Variants in KCNH8 observed in about 807,000 individuals in gnomAD.
KCNH8 encodes voltage-gated delayed rectifier potassium channel KCNH8.
In KCNH8, 70 loss-of-function variants were observed where a neutral mutation model predicts 103.6. The ratio of observed to expected loss-of-function variants is 0.68; its 90% CI spans 0.56 to 0.82. The LOEUF (loss-of-function observed/expected upper bound fraction) is 0.82, where lower values mean the gene tolerates loss of function less well. Ranked by LOEUF, KCNH8 falls within the 40% of genes least tolerant of loss-of-function variation. KCNH8 has a pLI of 0.00. For synonymous variants in KCNH8, 498 were observed against 489.4 expected, an observed-to-expected ratio of 1.02 and a Z score of -0.23; for missense variants, 1,217 against 1,329.9, an observed-to-expected ratio of 0.92 and a Z score of 1.32.
At chr3:19,333,592 A>G (rs149822080) in intron 3 of KCNH8, among the ~76,000 whole-genome samples, 2 of 152,310 alleles carry the variant, frequency 1.3e-5, no homozygotes, top group Non-Finnish European at 2.9e-5. Flanking sequence ...TAACACTCTC[A>G]TAGTAACAAA....
intron 1 of KCNH8, among the ~76,000 whole-genome samples, chr3:19,169,493 G>T (rs567315199): frequency 6.6e-6 from 1 of 151,992 alleles, no homozygotes; most frequent in Non-Finnish European, 1.5e-5. Flanking sequence ...TGATCTGCCC[G>T]CCTTGGCCTC....
At chr3:19,174,084 G>A (rs938775338) in intron 1 of KCNH8, among the ~76,000 whole-genome samples, 1 of 151,456 alleles carries the variant, frequency 6.6e-6, no homozygotes, top group Non-Finnish European at 1.5e-5. Context: ...GCTTGATTCT[G>A]TCTTTTGTCT....
At chr3:19,486,166 T>C (rs1490793971) in intron 11 of KCNH8, among the ~76,000 whole-genome samples, 1 of 152,234 alleles carries the variant, frequency 6.6e-6, no homozygotes, top group African/African-American at 2.4e-5. Flanking sequence ...TCTACTGAGA[T>C]GCCCATGGCT....
intron 5 of KCNH8, among the ~76,000 whole-genome samples, chr3:19,357,668 G>T (rs1166215763): frequency 6.6e-6 from 1 of 151,804 alleles, no homozygotes; most frequent in Admixed American, 6.6e-5. Flanking sequence ...GAGAGTCATA[G>T]ATTATGCCAT....
intron 5 of KCNH8, among the ~76,000 whole-genome samples, chr3:19,363,903 C>T (rs2065977659): frequency 6.6e-6 from 1 of 152,036 alleles, no homozygotes; most frequent in African/African-American, 2.4e-5. Context: ...ATTAAAGATA[C>T]TGACTTGGAT....
At chr3:19,394,878 T>G (rs1457549377) in intron 6 of KCNH8, among the ~76,000 whole-genome samples, 1 of 151,950 alleles carries the variant, frequency 6.6e-6, no homozygotes, top group Admixed American at 6.6e-5. Flanking sequence ...TTAAGAAAGG[T>G]GTTTACTCAA....
chr3:19,391,912 T>C (rs1433296043), intron 6 of KCNH8: 1 of 151,908 alleles, frequency 6.6e-6, no homozygotes, highest in East Asian at 1.9e-4. Context: ...AAGTATATAA[T>C]TCACAAAAGG....
chr3:19,442,475 A>G (rs530450170), intron 8 of KCNH8, among the ~76,000 whole-genome samples: 3 of 152,300 alleles, frequency 2.0e-5, no homozygotes, highest in African/African-American at 7.2e-5. Flanking sequence ...GTTAATGCAC[A>G]AACTATTCCC....
chr3:19,404,168 C>T (rs1187706813), intron 7 of KCNH8, among the ~76,000 whole-genome samples: 2 of 152,008 alleles, frequency 1.3e-5, no homozygotes, highest in African/African-American at 4.8e-5. Flanking sequence ...GTTGCTTTTT[C>T]TGTATTTCCT....
intron 1 of KCNH8, among the ~76,000 whole-genome samples, chr3:19,227,331 C>G (rs2125235740): frequency 6.6e-6 from 1 of 152,236 alleles, no homozygotes; most frequent in Admixed American, 6.5e-5. Context: ...TTATCCTATT[C>G]TGATATGTCA....
chr3:19,468,325 T>C (rs1401664316), intron 11 of KCNH8, among the ~76,000 whole-genome samples: 2 of 152,218 alleles, frequency 1.3e-5, no homozygotes, highest in Non-Finnish European at 2.9e-5. Flanking sequence ...CTGGAACTAA[T>C]GTTAAGTTTT....
At chr3:19,513,887 G>A (rs534855938) in intron 13 of KCNH8, among the ~76,000 whole-genome samples, 7 of 152,136 alleles carry the variant, frequency 4.6e-5, no homozygotes, top group African/African-American at 9.6e-5. Flanking sequence ...GATTGAAAGC[G>A]TGAAAAATCC....
At position 19,505,950 on chromosome 3, in the gene KCNH8, T is replaced by TAATA. The variant is rs560607600; in HGVS notation, c.2041-4412_2041-4411insATAA. ...CTGAGATTCTTTCCTCAGCTTGGTT[T>TAATA]ATTCTGCTCTTAATAATTGAGGTTG... On this transcript the variant is annotated intron_variant, in intron 11 of 15. Coordinates refer to ENST00000328405, the MANE Select transcript of KCNH8 (RefSeq NM_144633.3). Among the ~76,000 whole-genome samples the TAATA allele has an allele frequency of 3.5e-3, 537 of 152,340 alleles. 2 individuals are homozygous for TAATA. Among genetic ancestry groups the TAATA allele is most frequent in the African/African-American group, 0.012 (507 of 41,576 alleles).
Position 19,510,418 on chromosome 3 carries a change from A to G in KCNH8, c.2079+17A>G. 6.8e-7 allele frequency: 1 copy of G among 1,470,926 alleles called. No homozygotes were observed. Among genetic ancestry groups the G allele is most frequent in the Non-Finnish European group, 9.5e-7 (1 of 1,049,656 alleles). 91.1% of individuals were successfully genotyped at this position (1,470,926 alleles called of 1,614,324 possible). On this transcript the variant is annotated intron_variant, in intron 12 of 15. Coordinates refer to ENST00000328405, the MANE Select transcript of KCNH8 (RefSeq NM_144633.3). ...GTCTCACAGGTATGGCTTTTGCTAC[A>G]CAGCAAAATATTTATCTAAAATCTG...
chr3:19,242,052 A>G (rs2064149009), intron 1 of KCNH8, among the ~76,000 whole-genome samples: 1 of 152,222 alleles, frequency 6.6e-6, no homozygotes, highest in Admixed American at 6.5e-5. Context: ...GAAAGTGGAA[A>G]GAGCTGGGAA....
At chr3:19,381,855 C>G (rs1008874834) in intron 5 of KCNH8, among the ~76,000 whole-genome samples, 12 of 152,058 alleles carry the variant, frequency 7.9e-5, no homozygotes, top group Admixed American at 3.3e-4. Flanking sequence ...ATAACTTGCT[C>G]CAGCAATTGG....
At chr3:19,480,373 A>G (rs2068063349) in intron 11 of KCNH8, among the ~76,000 whole-genome samples, 1 of 152,176 alleles carries the variant, frequency 6.6e-6, no homozygotes, top group African/African-American at 2.4e-5. Context: ...CTGGGTCCCA[A>G]ACATTGTTAC....
intron 3 of KCNH8, among the ~76,000 whole-genome samples, chr3:19,305,769 A>G (rs534462239): frequency 4.6e-5 from 7 of 152,230 alleles, no homozygotes; most frequent in African/African-American, 1.7e-4. Flanking sequence ...ATCAGACACC[A>G]ATGGCTCAGT....
At chr3:19,468,301 G>A (rs947484611) in intron 11 of KCNH8, among the ~76,000 whole-genome samples, 5 of 152,136 alleles carry the variant, frequency 3.3e-5, no homozygotes, top group African/African-American at 1.2e-4. Context: ...ATGTCAATAA[G>A]TTTACTTTGG....
Sources: gnomAD v4.1 joint callset for allele counts (sites outside exome capture counted in the v4.1 genomes callset) on GRCh38, gnomAD v4.1.1 for gene constraint, MANE v1.5 for transcripts, NCBI Gene and HGNC (gene_info 2026-07-23, HGNC 2026-07-21) for gene names.